The following MPDZ variants were observed in gnomAD, a reference collection of about 807,000 sequenced individuals.
MPDZ encodes the protein multiple PDZ domain protein.
Under a neutral mutation model 239.1 loss-of-function variants are expected in MPDZ, and 234 were observed. The ratio of observed to expected loss-of-function variants is 0.98; its 90% CI spans 0.88 to 1.09. The LOEUF (loss-of-function observed/expected upper bound fraction) is 1.09. Among genes scored for constraint, MPDZ ranks in the 50% least tolerant of loss-of-function variants. The pLI is 0.00. For synonymous variants in MPDZ, 1,048 were observed against 881.3 expected (o/e 1.19, Z -3.35); for missense variants, 3,175 against 2,510.0 (o/e 1.26, Z -5.66).
intron 10 of MPDZ, among the ~76,000 whole-genome samples, chr9:13,207,921 C>A (rs1410806606): frequency 2.6e-5 from 4 of 152,058 alleles, no homozygotes; most frequent in Admixed American, 1.3e-4. Context: ...ACAGTAAAAA[C>A]AATTTGAAAA....
intron 1 of MPDZ, among the ~76,000 whole-genome samples, chr9:13,271,480 G>A (rs76499598): frequency 0.051 from 7,803 of 152,208 alleles, 302 homozygotes; most frequent in Non-Finnish European, 0.076. Context: ...AGAAATGTCC[G>A]TTTGTAAAGA....
chr9:13,136,842 T>G lies in MPDZ; in HGVS notation c.4201-39A>C, dbSNP rs1946890947. 3 of 1,294,502 alleles carry G rather than the reference T, an allele frequency of 2.3e-6. No homozygotes were observed. In the East Asian group the frequency reaches 7.4e-5, roughly 32 times the overall value. 80.2% of individuals were successfully genotyped at this position (1,294,502 alleles called of 1,614,324 possible). A position where few individuals can be genotyped will look rare whatever the true frequency, so the allele number is the denominator to read the frequency against. ...ATATCATTAGTTGGGCCTGAAATCT[T>G]AGTATCATAAAGTTTTATCATCCTT... is the stretch of plus-strand genomic sequence containing the variant. On this transcript the variant is annotated intron_variant, in intron 29 of 46. Coordinates refer to ENST00000319217, the MANE Select transcript of MPDZ (RefSeq NM_001378778.1).
At chr9:13,270,555 CT>C (rs563772281) in intron 1 of MPDZ, among the ~76,000 whole-genome samples, 1,527 of 138,516 alleles carry the variant, frequency 0.011, 7 homozygotes, top group African/African-American at 0.025. Flanking sequence ...TTTTGGAGAG[CT>C]TTTTTTTTTT....
In MPDZ at chr9:13,223,602, G is replaced by A. The variant is rs982681251; in HGVS notation, c.502C>T (p.Gln168Ter). 1 of 1,612,250 alleles carries A rather than the reference G, an allele frequency of 6.2e-7. No individual in the cohort carries two copies. Among genetic ancestry groups the A allele is most frequent in the Non-Finnish European group, 8.5e-7 (1 of 1,178,880 alleles). The stretch of plus-strand genomic sequence containing the variant: ...GCCACACTGCCCTCTTGTATCTCTT[G>A]AACAAATATTCCCAGCTCTCCTCTG... ...ENRGELGIFV[Q>*]EIQEGSVAHR... The change falls in exon 5 of 47, where the codon CAA becomes TAA. Residue 168 changes from glutamine to a stop codon, truncating the protein, a stop_gained. Transcript: ENST00000319217. LOFTEE classifies it high-confidence loss of function.
At chr9:13,118,710 T>C (rs552729773) in intron 39 of MPDZ, among the ~76,000 whole-genome samples, 24 of 152,358 alleles carry the variant, frequency 1.6e-4, no homozygotes, top group African/African-American at 5.5e-4. Context: ...TGACAGAGAA[T>C]ATGCCTAGAG....
At chr9:13,125,140 G>A in intron 35 of MPDZ, 76 bp downstream of exon 35, 1 of 1,362,838 alleles carries the variant, frequency 7.3e-7, no homozygotes, top group Non-Finnish European at 9.9e-7. Context: ...GTAGGCAGCT[G>A]GCTCCCAAGC....
rs75912848 is a variant in MPDZ at position 13,210,422 on chromosome 9, GTT to G, written c.1291-4325_1291-4324del. On this transcript the variant is annotated intron_variant, in intron 10 of 46. Coordinates refer to ENST00000319217, the MANE Select transcript of MPDZ (RefSeq NM_001378778.1). ...AATGTTAAGAAAAACTTAAGAGGAA[GTT>G]TTTTTTTTTTTTTAAGAGGAAAGAA... 2.5e-3 allele frequency among the ~76,000 whole-genome samples: 364 copies of G among 145,576 alleles called. 4 individuals carry two copies. The highest frequency in any genetic ancestry group is 0.018 in the East Asian group (88 of 4,952).
In MPDZ at chr9:13,166,834, G is replaced by A. The variant is rs534309843; in HGVS notation, c.3254+1532C>T. Among the ~76,000 whole-genome samples the A allele has an allele frequency of 3.9e-5, 6 of 152,202 alleles. No individual in the cohort carries two copies. The South Asian group carries it at 1.0e-3, about 26-fold the overall frequency. ...AAAGGGGAAAAAAGACTTTGAGCCT[G>A]AAAATGTACTTCAAAAGTTTTCTAG... On this transcript the variant is annotated intron_variant, in intron 22 of 46. Transcript: ENST00000319217.
At chr9:13,187,308 G>A (rs1954249025) in intron 17 of MPDZ, among the ~76,000 whole-genome samples, 1 of 151,548 alleles carries the variant, frequency 6.6e-6, no homozygotes, top group South Asian at 2.1e-4. Context: ...AAAAAAAAAA[G>A]ACTGCTTCTG....
intron 3 of MPDZ, among the ~76,000 whole-genome samples, chr9:13,226,972 T>G (rs1420334372): frequency 6.6e-6 from 1 of 152,158 alleles, no homozygotes; most frequent in African/African-American, 2.4e-5. Flanking sequence ...AAGTTGTTTG[T>G]GACCTAGATT....
intron 1 of MPDZ, chr9:13,276,545 T>C (rs1974247366): frequency 6.6e-6 from 1 of 152,188 alleles, no homozygotes; most frequent in Admixed American, 6.5e-5. Flanking sequence ...ATACAACTGT[T>C]TTGGACATAT....
intron 24 of MPDZ, 61 bp downstream of exon 24, chr9:13,157,957 C>T (rs543298050): frequency 7.0e-7 from 1 of 1,427,136 alleles, no homozygotes; most frequent in African/African-American, 1.4e-5. Flanking sequence ...TGAAACCACA[C>T]CTGCTTATCT....
rs189230406 is a variant in MPDZ at position 13,113,902 on chromosome 9, C to G, written c.5557+29G>C. Reference sequence around the variant, plus strand: ...ATCAGTGTTGACAGCCAAATTCAAACCATGTTTAAAATACTGAACCAATCT... The same window carrying G: ...ATCAGTGTTGACAGCCAAATTCAAAGCATGTTTAAAATACTGAACCAATCT... On this transcript the variant is annotated intron_variant, in intron 41 of 46. Coordinates refer to ENST00000319217, the MANE Select transcript of MPDZ (RefSeq NM_001378778.1). 15 of 1,531,162 alleles carry G rather than the reference C, an allele frequency of 9.8e-6. 1 individual carries two copies. The Admixed American group carries it at 2.7e-4, about 28-fold the overall frequency. 94.8% of individuals were successfully genotyped at this position (1,531,162 alleles called of 1,614,324 possible). A position where few individuals can be genotyped will look rare whatever the true frequency, so the allele number is the denominator to read the frequency against.
chr9:13,268,165 T>C (rs139894773), intron 1 of MPDZ, among the ~76,000 whole-genome samples: 1 of 150,938 alleles, frequency 6.6e-6, no homozygotes, highest in Non-Finnish European at 1.5e-5. Context: ...TATATATATA[T>C]ATATACACAC....
chr9:13,192,279 A>G lies in MPDZ; in HGVS notation c.1820T>C (p.Leu607Ser), dbSNP rs200777934. 6.8e-5 allele frequency: 109 copies of G among 1,599,040 alleles called. No individual in the cohort carries two copies. The highest frequency in any genetic ancestry group is 5.9e-4 in the Admixed American group (34 of 57,826). ...DELLEVNGIT[L>S]LGENHQDVVN... ...CACATCTTGGTGATTTTCCCCAAGT[A>G]AAGTTATGCCATTTACCTGTGAAAA... is the stretch of plus-strand genomic sequence containing the variant. The change falls in exon 15 of 47, where the codon TTA becomes TCA. Residue 607 changes from leucine to serine, a missense_variant. Physicochemically the swap from Leu to Ser is moderately radical, Grantham distance 145. Transcript: ENST00000319217.
At chr9:13,155,991 T>A (rs1028831558) in intron 24 of MPDZ, among the ~76,000 whole-genome samples, 26 of 152,162 alleles carry the variant, frequency 1.7e-4, no homozygotes, top group African/African-American at 6.0e-4. Context: ...ATAAAAATTT[T>A]CCAGTCCAGA....
intron 39 of MPDZ, among the ~76,000 whole-genome samples, chr9:13,119,085 CTT>C (rs1943938604): frequency 6.6e-6 from 1 of 152,082 alleles, no homozygotes. Context: ...ATGATAAAAT[CTT>C]TTCATTTTAA....
At chr9:13,160,830 T>TTATATATATATATATATATATA (rs58374268) in intron 23 of MPDZ, among the ~76,000 whole-genome samples, 5 of 37,988 alleles carry the variant, frequency 1.3e-4, no homozygotes, top group Non-Finnish European at 2.6e-4. Context: ...ATTATTAAAA[T>TTATATATATATATATATATATA]TATATATATA....
At chr9:13,183,394 G>C in intron 19 of MPDZ, 24 bp downstream of exon 19, 1 of 1,572,380 alleles carries the variant, frequency 6.4e-7, no homozygotes, top group Non-Finnish European at 8.6e-7. Context: ...TCCTATAAAA[G>C]AAAAATTGGC....
Sources: allele counts gnomAD v4.1 joint callset (sites outside exome capture counted in the v4.1 genomes callset), GRCh38; gene constraint gnomAD v4.1.1; transcripts MANE v1.5; gene names NCBI Gene and HGNC (gene_info 2026-07-23, HGNC 2026-07-21).